DAB1: variants seen among roughly 807,000 people sequenced by gnomAD.
DAB1 encodes the protein disabled homolog 1.
In DAB1, 15 loss-of-function variants were observed where a neutral mutation model predicts 64.6. The ratio of observed to expected loss-of-function variants is 0.23; its 90% CI spans 0.16 to 0.36. DAB1 has a LOEUF of 0.36. Ranked by LOEUF, DAB1 falls within the 10% of genes least tolerant of loss-of-function variation. DAB1 has a pLI of 1.00. For synonymous variants in DAB1, 235 were observed against 251.9 expected (o/e 0.93, Z 0.64); for missense variants, 596 against 706.7 (o/e 0.84, Z 1.78).
Position 57,291,054 on chromosome 1 carries a change from C to T in DAB1, c.-24G>A, listed in dbSNP as rs1672741644. 6.3e-7 allele frequency: 1 copy of T among 1,580,868 alleles called. No individual in the cohort carries two copies. The highest frequency in any genetic ancestry group is 2.3e-5 in the East Asian group (1 of 43,862). ...ATCCTACTTAATCCTTAGTCCACTT[C>T]ACACAGATCCCGGGCCTCGGCCAGG... On this transcript the variant is annotated 5_prime_UTR_variant, in exon 2 of 15. Transcript: ENST00000371236.
At chr1:58,480,323 A>C (rs928233871) in intron 3 of DAB1, among the ~76,000 whole-genome samples, 2 of 152,126 alleles carry the variant, frequency 1.3e-5, no homozygotes, top group African/African-American at 4.8e-5. Flanking sequence ...AACTTCTGTT[A>C]AGATTTCAGT....
At chr1:57,684,738 T>C (rs1646675205) in intron 6 of DAB1, among the ~76,000 whole-genome samples, 1 of 152,102 alleles carries the variant, frequency 6.6e-6, no homozygotes, top group Non-Finnish European at 1.5e-5. Context: ...CCAGCTACCA[T>C]CACAATGACA....
At chr1:58,423,599 G>A (rs1368398389) in intron 3 of DAB1, among the ~76,000 whole-genome samples, 1 of 152,196 alleles carries the variant, frequency 6.6e-6, no homozygotes, top group Non-Finnish European at 1.5e-5. Flanking sequence ...ATCAGTCAAT[G>A]CCACTGGCAG....
intron 1 of DAB1, among the ~76,000 whole-genome samples, chr1:57,372,377 T>C (rs2100938964): frequency 6.6e-6 from 1 of 152,290 alleles, no homozygotes; most frequent in East Asian, 1.9e-4. Context: ...GAAAGACACA[T>C]GGGACCTGAG....
At chr1:57,293,203 A>C (rs1230321647) in intron 1 of DAB1, among the ~76,000 whole-genome samples, 1 of 151,984 alleles carries the variant, frequency 6.6e-6, no homozygotes, top group African/African-American at 2.4e-5. Context: ...TTTCTATGGA[A>C]TCTCTTGTCT....
chr1:57,423,777 AC>A (rs1685116349), intron 1 of DAB1, among the ~76,000 whole-genome samples, 152 bp downstream of exon 1: 1 of 152,036 alleles, frequency 6.6e-6, no homozygotes, highest in Non-Finnish European at 1.5e-5. Context: ...TCCTCCCAGC[AC>A]CCCTAGCCAA....
chr1:57,003,955 T>G (rs982689628), intron 14 of DAB1, among the ~76,000 whole-genome samples: 1 of 152,210 alleles, frequency 6.6e-6, no homozygotes, highest in Admixed American at 6.5e-5. Flanking sequence ...TTGATTGCTA[T>G]AGACTAGGTT....
intron 2 of DAB1, among the ~76,000 whole-genome samples, chr1:57,184,719 T>C (rs1250935899): frequency 6.6e-6 from 1 of 152,142 alleles, no homozygotes; most frequent in African/African-American, 2.4e-5. Flanking sequence ...CCTGTGCTCC[T>C]GGGTGTGCTT....
At chr1:58,372,454 AGGGACTTGCCTT>A (rs1644273717) in intron 3 of DAB1, among the ~76,000 whole-genome samples, 1 of 152,168 alleles carries the variant, frequency 6.6e-6, no homozygotes, top group Non-Finnish European at 1.5e-5. Flanking sequence ...CAGAGGTGGA[AGGGACTTGCCTT>A]GTCTCAGATG....
intron 6 of DAB1, among the ~76,000 whole-genome samples, chr1:57,694,645 T>C (rs1269483534): frequency 2.0e-5 from 3 of 152,146 alleles, no homozygotes; most frequent in Admixed American, 6.6e-5. Flanking sequence ...ACTAAGGATA[T>C]TTTTTAATGA....
chr1:58,546,307 C>T (rs1646703848), intron 1 of DAB1, among the ~76,000 whole-genome samples: 1 of 152,214 alleles, frequency 6.6e-6, no homozygotes, highest in East Asian at 1.9e-4. Context: ...GGTGAGGAGC[C>T]CGAAGCCCCG....
At chr1:57,653,453 T>C (rs1646279730) in intron 6 of DAB1, among the ~76,000 whole-genome samples, 1 of 152,222 alleles carries the variant, frequency 6.6e-6, no homozygotes, top group Admixed American at 6.5e-5. Flanking sequence ...GTTTATATTT[T>C]AGCCTAATGA....
intron 5 of DAB1, among the ~76,000 whole-genome samples, chr1:58,119,023 C>A (rs1290030891): frequency 6.6e-6 from 1 of 152,128 alleles, no homozygotes; most frequent in African/African-American, 2.4e-5. Flanking sequence ...CATCAAACAG[C>A]TAAATTTCTT....
intron 7 of DAB1, among the ~76,000 whole-genome samples, chr1:57,456,729 T>C (rs1287738764): frequency 6.6e-6 from 1 of 152,102 alleles, no homozygotes; most frequent in African/African-American, 2.4e-5. Context: ...AATATAATGT[T>C]CCAACAGTGT....
chr1:57,027,266 G>T (rs1011860340), intron 9 of DAB1, among the ~76,000 whole-genome samples: 6 of 152,186 alleles, frequency 3.9e-5, no homozygotes, highest in African/African-American at 1.4e-4. Context: ...AGGTCAGGGA[G>T]GGTCCCAGAT....
intron 5 of DAB1, among the ~76,000 whole-genome samples, chr1:58,140,765 A>C (rs1654239247): frequency 6.6e-6 from 1 of 152,198 alleles, no homozygotes; most frequent in South Asian, 2.1e-4. Context: ...TAAATGAATA[A>C]ATCACTGATA....
chr1:58,268,996 CTTGTT>C (rs909488742), intron 4 of DAB1, among the ~76,000 whole-genome samples: 9 of 108,892 alleles, frequency 8.3e-5, no homozygotes, highest in Admixed American at 1.1e-4. Context: ...CCTTGGTCCT[CTTGTT>C]TTATTTTTTT....
At chr1:58,429,294 A>C (rs1323273159) in intron 3 of DAB1, among the ~76,000 whole-genome samples, 1 of 152,198 alleles carries the variant, frequency 6.6e-6, no homozygotes, top group Non-Finnish European at 1.5e-5. Flanking sequence ...CCAGGACATA[A>C]AGGGCAACAA....
At chr1:57,897,289 G>A (rs1001121204) in intron 5 of DAB1, among the ~76,000 whole-genome samples, 2 of 152,128 alleles carry the variant, frequency 1.3e-5, no homozygotes, top group African/African-American at 4.8e-5. Context: ...TGTTGCCCAT[G>A]GGAAAATGTT....
Sources: allele counts gnomAD v4.1 joint callset (sites outside exome capture counted in the v4.1 genomes callset), GRCh38; gene constraint gnomAD v4.1.1; transcripts MANE v1.5; gene names NCBI Gene and HGNC (gene_info 2026-07-23, HGNC 2026-07-21).